Variants in ZNF700 observed in about 807,000 individuals in gnomAD.
The protein encoded by ZNF700 is zinc finger protein 700.
In ZNF700, 38 loss-of-function variants were observed where a neutral mutation model predicts 65.3. The observed-to-expected ratio is 0.58, with a 90% confidence interval of 0.45 to 0.76. The LOEUF (loss-of-function observed/expected upper bound fraction) is 0.76. Among genes scored for constraint, ZNF700 ranks in the 30% least tolerant of loss-of-function variants. ZNF700 has a pLI of 0.00. For missense variants in ZNF700, 857 were observed against 888.4 expected (o/e 0.96, Z 0.45); for synonymous variants, 285 against 290.4 (o/e 0.98, Z 0.19).
intron 1 of ZNF700, among the ~76,000 whole-genome samples, chr19:11,934,064 C>G (rs1283638018): frequency 6.8e-6 from 1 of 147,544 alleles, no homozygotes. Flanking sequence ...TCATCTTGAG[C>G]CTGGTGTGAT....
At chr19:11,925,362 G>A (rs1234000095) in intron 1 of ZNF700, 89 bp downstream of exon 1, 3 of 1,572,160 alleles carry the variant, frequency 1.9e-6, no homozygotes, top group South Asian at 2.2e-5. Context: ...GGGCCTCCCT[G>A]TGGGCGACTC....
chr19:11,927,953 G>GT (rs1972656532), intron 1 of ZNF700, among the ~76,000 whole-genome samples: 1 of 151,928 alleles, frequency 6.6e-6, no homozygotes, highest in East Asian at 1.9e-4. Flanking sequence ...GCAAATAAAT[G>GT]TAACAGGATT....
At chr19:11,945,269 G>A (rs1972942406) in intron 1 of ZNF700, among the ~76,000 whole-genome samples, 1 of 152,198 alleles carries the variant, frequency 6.6e-6, no homozygotes. Flanking sequence ...GTACTGCAAA[G>A]TTTGGGATCC....
chr19:11,925,849 A>G (rs932969963), intron 1 of ZNF700, among the ~76,000 whole-genome samples: 2 of 152,244 alleles, frequency 1.3e-5, no homozygotes, highest in African/African-American at 4.8e-5. Context: ...CACAACCCCA[A>G]GCAGCCTGGA....
At chr19:11,931,317 G>C (rs1288689638) in intron 1 of ZNF700, among the ~76,000 whole-genome samples, 1 of 148,014 alleles carries the variant, frequency 6.8e-6, no homozygotes, top group Non-Finnish European at 1.5e-5. Flanking sequence ...TCTTCTTGTG[G>C]TTTCTTCACA....
intron 1 of ZNF700, among the ~76,000 whole-genome samples, chr19:11,942,157 CTTAGGT>C (rs1380565856): frequency 6.6e-6 from 1 of 150,898 alleles, no homozygotes; most frequent in Non-Finnish European, 1.5e-5. Flanking sequence ...TTTCTTTCTA[CTTAGGT>C]GTTTCCCCTC....
chr19:11,928,559 C>T (rs1371438467), intron 1 of ZNF700, among the ~76,000 whole-genome samples: 1 of 149,112 alleles, frequency 6.7e-6, no homozygotes, highest in Non-Finnish European at 1.5e-5. Context: ...GGTGAAACCC[C>T]GTCTCTACTA....
At chr19:11,937,777 C>T (rs143068597) in intron 1 of ZNF700, among the ~76,000 whole-genome samples, 10 of 152,178 alleles carry the variant, frequency 6.6e-5, no homozygotes, top group South Asian at 4.1e-4. Flanking sequence ...TGTGAGCCAC[C>T]GCACCTGGCC....
intron 1 of ZNF700, among the ~76,000 whole-genome samples, chr19:11,936,029 A>G (rs1972790212): frequency 6.6e-6 from 1 of 152,214 alleles, no homozygotes; most frequent in Admixed American, 6.5e-5. Flanking sequence ...CCTGCAAAGG[A>G]CATGAACTCA....
chr19:11,930,329 A>G (rs1972695438), intron 1 of ZNF700, among the ~76,000 whole-genome samples: 1 of 148,512 alleles, frequency 6.7e-6, no homozygotes, highest in South Asian at 2.1e-4. Context: ...GGCCACCCCA[A>G]CAAGGTTGTA....
chr19:11,929,867 C>G lies in ZNF700; in HGVS notation c.63+4594C>G, dbSNP rs138277659. ...CATTTGCCTGAAAAATCCTTTCTGC[C>G]TCTCCTCCTTTTATCTTTCCTAGAC... is the stretch of plus-strand genomic sequence containing the variant. On this transcript the variant is annotated intron_variant, in intron 1 of 3. Coordinates refer to ENST00000254321, the MANE Select transcript of ZNF700 (RefSeq NM_144566.3). 3.2e-4 allele frequency among the ~76,000 whole-genome samples: 47 copies of G among 148,542 alleles called. No individual in the cohort carries two copies. The East Asian group carries it at 8.7e-3, about 27-fold the overall frequency.
At position 11,948,917 on chromosome 19, in the gene ZNF700, G is replaced by A. The variant is rs758772107; in HGVS notation, c.893G>A (p.Arg298Lys). The A allele has an allele frequency of 1.2e-6, 2 of 1,606,750 alleles. No individual in the cohort carries two copies. The highest frequency in any genetic ancestry group is 1.7e-6 in the Non-Finnish European group (2 of 1,178,440). The change falls in exon 4 of 4, where the codon AGA (arginine) becomes AAA (lysine). Residue 298 changes from arginine to lysine, a missense_variant. Coordinates refer to ENST00000254321, the MANE Select transcript of ZNF700 (RefSeq NM_144566.3). Reference sequence around the variant, plus strand: ...TCTAGTTCCTATCATAGACATGAAAGAAGTCACATGGGAGAGAAGCCTTAT... The same window carrying A: ...TCTAGTTCCTATCATAGACATGAAAAAAGTCACATGGGAGAGAAGCCTTAT... The part of the protein sequence containing the change: ...HSSSSYHRHE[R>K]SHMGEKPYQC...
rs750423524 is a variant in ZNF700 at position 11,932,635 on chromosome 19, ATTTT to A, written c.63+7379_63+7382del. 3.8e-3 allele frequency among the ~76,000 whole-genome samples: 439 copies of A among 116,832 alleles called. 31 individuals are homozygous for A. Among genetic ancestry groups the A allele is most frequent in the African/African-American group, 0.013 (329 of 26,320 alleles). 76.6% of individuals were successfully genotyped at this position (116,832 alleles called of 152,430 possible). A position where few individuals can be genotyped will look rare whatever the true frequency, so the allele number is the denominator to read the frequency against. On this transcript the variant is annotated intron_variant, in intron 1 of 3. Coordinates refer to ENST00000254321, the MANE Select transcript of ZNF700 (RefSeq NM_144566.3). ...TGTTTTTTATGCAAACCAATATGTG[ATTTT>A]TTTTTTTTTTTTTTTTGAGACAGAG...
chr19:11,925,162 A>G lies in ZNF700; in HGVS notation c.-49A>G. 1 of 1,605,332 alleles carries G rather than the reference A, an allele frequency of 6.2e-7. No individual in the cohort carries two copies. Among genetic ancestry groups the G allele is most frequent in the Non-Finnish European group, 8.5e-7 (1 of 1,174,056 alleles). ...TGGTAACCGGTCAGACCAGCCCGAG[A>G]GGGACCTGGTGCCTGTACCCAGGCT... On this transcript the variant is annotated 5_prime_UTR_variant, in exon 1 of 4. Transcript: ENST00000254321.
rs745576717 is a variant in ZNF700, at chr19:11,948,613, A to G, written c.589A>G (p.Lys197Glu). 4.4e-5 allele frequency: 71 copies of G among 1,611,506 alleles called. No homozygotes were observed. Among genetic ancestry groups the G allele is most frequent in the Middle Eastern group, 3.3e-4 (2 of 6,066 alleles). Reference sequence around the variant, plus strand: ...CACTGGAGAGAAACCCTATGCTTGTAAAGTCTGTGGAAAAACCTTTATTTT... The same window carrying G: ...CACTGGAGAGAAACCCTATGCTTGTGAAGTCTGTGGAAAAACCTTTATTTT... The part of the protein sequence containing the change: ...DHTGEKPYAC[K>E]VCGKTFIFHS... Residue 197 changes from lysine (K) to glutamate (E), a missense_variant, in exon 4 of 4, where the codon AAA becomes GAA. Lys to Glu is a moderately conservative substitution (Grantham distance 56, BLOSUM62 1). Coordinates refer to ENST00000254321, the MANE Select transcript of ZNF700 (RefSeq NM_144566.3).
chr19:11,947,566 A>C lies in ZNF700; in HGVS notation c.243A>C (p.Arg81Ser). The change falls in exon 3 of 4, where the codon AGA becomes AGC. Residue 81 changes from arginine to serine, a missense_variant. Physicochemically the swap from Arg to Ser is moderately radical, Grantham distance 110 (BLOSUM62 -1). This residue lies in a region of ZNF700 where 603 missense variants were observed against 619.9 expected (regional missense o/e 0.97). Transcript: ENST00000254321. ...NIEYEYQNPR[R>S]SFRSLIEEKV... is the part of the protein sequence containing the mutation. Reference sequence around the variant, plus strand: ...AATATGAGTACCAAAACCCCAGAAGAAGCTTCAGGTAATTTGCATTTCCAA... The same window carrying C: ...AATATGAGTACCAAAACCCCAGAAGCAGCTTCAGGTAATTTGCATTTCCAA... 6.2e-7 allele frequency: 1 copy of C among 1,613,390 alleles called. No homozygotes were observed. The highest frequency in any genetic ancestry group is 8.5e-7 in the Non-Finnish European group (1 of 1,179,802).
chr19:11,926,339 G>C (rs1214421278), intron 1 of ZNF700, among the ~76,000 whole-genome samples: 1 of 152,124 alleles, frequency 6.6e-6, no homozygotes, highest in Non-Finnish European at 1.5e-5. Context: ...CAATTTTCAG[G>C]GTTTTTTGCG....
Position 11,934,779 on chromosome 19 carries a change from G to A in ZNF700, c.63+9506G>A, listed in dbSNP as rs886722422. ...TGACCTCAGGTCATCCACCTGCCTC[G>A]GCTTCCCAATGTGCTGGATTACAGG... On this transcript the variant is annotated intron_variant, in intron 1 of 3. Transcript: ENST00000254321. 8.1e-5 allele frequency among the ~76,000 whole-genome samples: 12 copies of A among 147,900 alleles called. 1 individual carries two copies. The highest frequency in any genetic ancestry group is 7.9e-5 in the African/African-American group (3 of 37,770).
chr19:11,945,398 T>C (rs934918638), intron 1 of ZNF700, among the ~76,000 whole-genome samples: 1 of 152,224 alleles, frequency 6.6e-6, no homozygotes, highest in Non-Finnish European at 1.5e-5. Context: ...GCACAAGTCC[T>C]GTACTGGCCT....
Sources: gnomAD v4.1 joint callset for allele counts (sites outside exome capture counted in the v4.1 genomes callset) on GRCh38, gnomAD v4.1.1 for gene constraint, gnomAD v4.1.1 regional missense constraint, MANE v1.5 for transcripts, NCBI Gene and HGNC (gene_info 2026-07-23, HGNC 2026-07-21) for gene names.